The following THSD4 variants were observed in gnomAD, a reference collection of about 807,000 sequenced individuals.
THSD4 encodes thrombospondin type-1 domain-containing protein 4.
THSD4 carries 69 observed loss-of-function variants against 119.0 expected under a neutral mutation model. That is an observed-to-expected ratio of 0.58 (90% CI 0.48 to 0.71). The LOEUF is 0.71. THSD4 is among the 30% of genes least tolerant of loss of function. The pLI, the probability that THSD4 is intolerant of heterozygous loss-of-function variation, is 0.00. For synonymous variants in THSD4, 524 were observed against 540.4 expected, an observed-to-expected ratio of 0.97 and a Z score of 0.42; for missense variants, 1,393 against 1,391.1, an observed-to-expected ratio of 1.00 and a Z score of -0.02.
At chr15:71,630,017 T>C (rs143769324) in intron 7 of THSD4, among the ~76,000 whole-genome samples, 29 of 152,318 alleles carry the variant, frequency 1.9e-4, no homozygotes, top group African/African-American at 7.0e-4. Flanking sequence ...CTGTCTCTAG[T>C]TGGAATCTCT....
chr15:71,302,535 A>G (rs2044965684), intron 6 of THSD4, among the ~76,000 whole-genome samples: 1 of 151,026 alleles, frequency 6.6e-6, no homozygotes, highest in Non-Finnish European at 1.5e-5. Flanking sequence ...ACCTCCTCAC[A>G]TCCACTTACT....
chr15:71,748,026 T>C (rs978557076), intron 13 of THSD4, among the ~76,000 whole-genome samples: 4 of 152,188 alleles, frequency 2.6e-5, no homozygotes, highest in African/African-American at 7.2e-5. Context: ...GTCAGTCTTA[T>C]GATTTCTCCC....
At chr15:71,406,748 C>T (rs2046614809) in intron 6 of THSD4, among the ~76,000 whole-genome samples, 1 of 150,776 alleles carries the variant, frequency 6.6e-6, no homozygotes, top group African/African-American at 2.4e-5. Context: ...GGCATGATCT[C>T]GACTCACTGC....
Position 71,163,463 on chromosome 15 carries a change from G to A in THSD4, c.99+8531G>A, listed in dbSNP as rs535477116. 2.6e-5 allele frequency among the ~76,000 whole-genome samples: 4 copies of A among 152,060 alleles called. No homozygotes were observed. The East Asian group carries it at 5.8e-4, about 22-fold the overall frequency. On this transcript the variant is annotated intron_variant, in intron 3 of 17. Transcript: ENST00000261862. ...GGCACTTTAAGAAAACGATAATCTC[G>A]AAAACCACAAAATTGCCAAATTGTT... is the stretch of plus-strand genomic sequence containing the variant.
In THSD4 at chr15:71,301,643, G is replaced by C. The variant is rs543129483; in HGVS notation, c.1015+44928G>C. The stretch of plus-strand genomic sequence containing the variant: ...TGGGCTGTCCTTTCTCCAGATGAAC[G>C]TAAATTGATGCTTCTGTTTTCTTTT... On this transcript the variant is annotated intron_variant, in intron 6 of 17. Coordinates refer to ENST00000261862, the MANE Select transcript of THSD4 (RefSeq NM_024817.3). Among the ~76,000 whole-genome samples, 4 of 152,294 alleles carry C rather than the reference G, an allele frequency of 2.6e-5. No homozygotes were observed. The South Asian group carries it at 6.2e-4, about 24-fold the overall frequency.
At chr15:71,285,016 GTGT>G (rs780580185) in intron 6 of THSD4, among the ~76,000 whole-genome samples, 8 of 152,052 alleles carry the variant, frequency 5.3e-5, no homozygotes, top group African/African-American at 1.9e-4. Flanking sequence ...TTTTTTGAGT[GTGT>G]TGTTCTCTAC....
intron 6 of THSD4, among the ~76,000 whole-genome samples, chr15:71,317,887 G>A (rs1020532639): frequency 1.3e-5 from 2 of 152,220 alleles, no homozygotes; most frequent in African/African-American, 4.8e-5. Flanking sequence ...CATTAAATGA[G>A]ATACACTACC....
At chr15:71,733,101 T>C (rs960800723) in intron 10 of THSD4, 1 of 152,284 alleles carries the variant, frequency 6.6e-6, no homozygotes, top group African/African-American at 2.4e-5. Context: ...AGACAGACTA[T>C]TTGAAATCTA....
intron 7 of THSD4, among the ~76,000 whole-genome samples, chr15:71,413,317 C>T (rs1452654169): frequency 1.3e-5 from 2 of 152,118 alleles, no homozygotes; most frequent in African/African-American, 4.8e-5. Context: ...CCAGCTTCTA[C>T]TCTTTTAGTT....
intron 6 of THSD4, among the ~76,000 whole-genome samples, chr15:71,313,977 G>C (rs575584787): frequency 2.6e-5 from 4 of 152,166 alleles, no homozygotes; most frequent in African/African-American, 4.8e-5. Flanking sequence ...TGATACGGAT[G>C]ATGAGGCATA....
chr15:71,660,236 C>T (rs566827962), intron 7 of THSD4, among the ~76,000 whole-genome samples: 14 of 152,202 alleles, frequency 9.2e-5, no homozygotes, highest in Non-Finnish European at 1.3e-4. Flanking sequence ...CAGAGTCCAA[C>T]GGGGATTTTC....
chr15:71,567,592 A>T (rs2049265637), intron 7 of THSD4, among the ~76,000 whole-genome samples: 1 of 119,582 alleles, frequency 8.4e-6, no homozygotes. Flanking sequence ...ACAAGAACAA[A>T]GACACCCCCC....
chr15:71,563,859 T>C (rs867237498), intron 7 of THSD4, among the ~76,000 whole-genome samples: 1 of 152,110 alleles, frequency 6.6e-6, no homozygotes, highest in Non-Finnish European at 1.5e-5. Flanking sequence ...AAATGCGTAT[T>C]GAGGCCCTAA....
chr15:71,168,045 G>A (rs55664111), intron 3 of THSD4, among the ~76,000 whole-genome samples: 6 of 152,312 alleles, frequency 3.9e-5, no homozygotes, highest in Non-Finnish European at 7.3e-5. Flanking sequence ...TCGTCCTCAT[G>A]TTCCTGCAAT....
At chr15:71,347,655 G>T (rs2045684024) in intron 6 of THSD4, among the ~76,000 whole-genome samples, 1 of 152,146 alleles carries the variant, frequency 6.6e-6, no homozygotes, top group African/African-American at 2.4e-5. Context: ...GCAGTCCAAT[G>T]TGCTAGCCAG....
intron 7 of THSD4, among the ~76,000 whole-genome samples, chr15:71,529,635 G>T (rs938048727): frequency 7.9e-5 from 12 of 152,154 alleles, no homozygotes; most frequent in African/African-American, 2.9e-4. Context: ...AGTAAAGACA[G>T]AAGAAATAAA....
chr15:71,117,849 G>A (rs1183620059), intron 1 of THSD4, among the ~76,000 whole-genome samples: 1 of 152,184 alleles, frequency 6.6e-6, no homozygotes, highest in African/African-American at 2.4e-5. Flanking sequence ...ATGTGCCAGG[G>A]ACTGTTACTA....
rs112232611 is a variant in THSD4 at position 71,536,550 on chromosome 15, A to G, written c.1153-123980A>G. Among the ~76,000 whole-genome samples the G allele has an allele frequency of 5.5e-3, 844 of 152,256 alleles. 5 individuals carry two copies. The highest frequency in any genetic ancestry group is 0.019 in the African/African-American group (809 of 41,536). On this transcript the variant is annotated intron_variant, in intron 7 of 17. Transcript: ENST00000261862. ...GATTAGGACGTGGACATCTTGGTGG[A>G]GACATTATTCTGCCTACCATGATCT...
intron 1 of THSD4, among the ~76,000 whole-genome samples, chr15:71,108,711 G>A (rs1049265831): frequency 2.0e-5 from 3 of 152,172 alleles, no homozygotes; most frequent in Admixed American, 2.0e-4. Flanking sequence ...AGAAAATAGG[G>A]CCGGGCGTGG....
Sources: gnomAD v4.1 joint callset for allele counts (sites outside exome capture counted in the v4.1 genomes callset) on GRCh38, gnomAD v4.1.1 for gene constraint, MANE v1.5 for transcripts, NCBI Gene and HGNC (gene_info 2026-07-23, HGNC 2026-07-21) for gene names.